Variants in ADCY5 observed in about 807,000 individuals in gnomAD.
The protein encoded by ADCY5 is adenylate cyclase 5.
Under a neutral mutation model 119.7 loss-of-function variants are expected in ADCY5, and 30 were observed. The ratio of observed to expected loss-of-function variants is 0.25; its 90% confidence interval spans 0.19 to 0.34. ADCY5 has a LOEUF of 0.34. Ranked by LOEUF, ADCY5 falls within the 10% of genes least tolerant of loss-of-function variation. The probability of loss-of-function intolerance (pLI) is 1.00; values close to 1 mark genes in which losing one functional copy is unlikely to be tolerated. For missense variants in ADCY5, 1,324 were observed against 1,775.2 expected (o/e 0.75, Z 4.57); for synonymous variants, 753 against 762.2 (o/e 0.99, Z 0.20).
intron 12 of ADCY5, among the ~76,000 whole-genome samples, chr3:123,310,042 G>C (rs1940455540): frequency 6.6e-6 from 1 of 151,196 alleles, no homozygotes; most frequent in Non-Finnish European, 1.5e-5. Flanking sequence ...TCCAGGGGAT[G>C]AGTACCATGT....
chr3:123,344,392 CAAT>C lies in ADCY5; in HGVS notation c.1406+3387_1406+3389del, dbSNP rs1319454593. Among the ~76,000 whole-genome samples, 3 of 152,262 alleles carry C rather than the reference CAAT, an allele frequency of 2.0e-5. No individual in the cohort carries two copies. In the East Asian group the frequency reaches 5.8e-4, roughly 29 times the overall value. On this transcript the variant is annotated intron_variant, in intron 3 of 20. Coordinates refer to ENST00000462833, the MANE Select transcript of ADCY5 (RefSeq NM_183357.3). ...ATCATAATCATAAAAATAACAGTAACAATAATAATGGCAGCTCACAATTACCGA... is the reference window on the plus strand; with the variant it reads ...ATCATAATCATAAAAATAACAGTAACAATAATGGCAGCTCACAATTACCGA...
chr3:123,324,452 AC>A (rs1559806359), intron 8 of ADCY5, among the ~76,000 whole-genome samples: 19 of 104,496 alleles, frequency 1.8e-4, no homozygotes, highest in Non-Finnish European at 1.6e-4. Flanking sequence ...ACACACACAC[AC>A]ACACACACAC....
chr3:123,339,269 C>G (rs1026875790), intron 3 of ADCY5, among the ~76,000 whole-genome samples: 4 of 152,160 alleles, frequency 2.6e-5, no homozygotes, highest in Admixed American at 2.6e-4. Context: ...CTGAAGAATC[C>G]TTTGGGCTCA....
chr3:123,350,973 G>A (rs10934645), intron 2 of ADCY5, among the ~76,000 whole-genome samples: 25,188 of 152,052 alleles, frequency 0.17, 2,355 homozygotes, highest in East Asian at 0.4. Context: ...GGTGCAGTGT[G>A]CCAGAGGCGA....
chr3:123,396,792 A>C (rs1944596189), intron 1 of ADCY5, among the ~76,000 whole-genome samples: 1 of 93,272 alleles, frequency 1.1e-5, no homozygotes, highest in Admixed American at 1.1e-4. Flanking sequence ...GCAGGCAGGC[A>C]GGCAGGCAGG....
intron 1 of ADCY5, among the ~76,000 whole-genome samples, chr3:123,428,105 G>A (rs949386946): frequency 1.1e-4 from 17 of 152,170 alleles, no homozygotes; most frequent in Non-Finnish European, 4.4e-5. Context: ...AGAACCATGC[G>A]CCACCTGGCC....
chr3:123,387,891 AGAAAG>A (rs1234664186), intron 1 of ADCY5, among the ~76,000 whole-genome samples: 10 of 152,242 alleles, frequency 6.6e-5, no homozygotes, highest in Non-Finnish European at 1.5e-4. Context: ...CAGGAGCACC[AGAAAG>A]GAAAGGAAAG....
intron 1 of ADCY5, among the ~76,000 whole-genome samples, chr3:123,353,549 C>T (rs1322001369): frequency 1.3e-5 from 2 of 152,154 alleles, no homozygotes; most frequent in African/African-American, 4.8e-5. Flanking sequence ...ACCTCAGTTA[C>T]TCCCACCAAA....
intron 1 of ADCY5, among the ~76,000 whole-genome samples, chr3:123,375,163 G>C (rs1000052799): frequency 4.6e-5 from 7 of 152,218 alleles, no homozygotes; most frequent in Admixed American, 3.9e-4. Flanking sequence ...AGGAGAAAGG[G>C]CTGGGATCTG....
chr3:123,445,806 C>G (rs1242925146), intron 1 of ADCY5, among the ~76,000 whole-genome samples: 1 of 152,112 alleles, frequency 6.6e-6, no homozygotes, highest in Admixed American at 6.6e-5. Flanking sequence ...CTGCACTGTG[C>G]TTAGGTAAGG....
At chr3:123,336,563 G>A (rs1423148384) in intron 3 of ADCY5, among the ~76,000 whole-genome samples, 1 of 152,188 alleles carries the variant, frequency 6.6e-6, no homozygotes, top group African/African-American at 2.4e-5. Flanking sequence ...TAATCTAGCA[G>A]AGGTAGGACT....
chr3:123,432,358 G>A (rs1576693619), intron 1 of ADCY5, among the ~76,000 whole-genome samples: 1 of 152,220 alleles, frequency 6.6e-6, no homozygotes, highest in East Asian at 1.9e-4. Context: ...GAGAGAAGTG[G>A]GGAGGAGGCA....
intron 3 of ADCY5, among the ~76,000 whole-genome samples, chr3:123,336,619 T>G (rs1942039897): frequency 6.6e-6 from 1 of 151,438 alleles, no homozygotes; most frequent in Non-Finnish European, 1.5e-5. Context: ...GCAGAGGAGG[T>G]GAGAAGAGGG....
chr3:123,346,607 T>TTCTC (rs72299981), intron 3 of ADCY5, among the ~76,000 whole-genome samples: 4,405 of 128,028 alleles, frequency 0.034, 141 homozygotes, highest in East Asian at 0.11. Flanking sequence ...CAGCCTCACC[T>TTCTC]TCTCTCTCTC....
intron 16 of ADCY5, among the ~76,000 whole-genome samples, chr3:123,296,471 C>T (rs1939520578): frequency 6.6e-6 from 1 of 152,174 alleles, no homozygotes. Flanking sequence ...CTTACAACCC[C>T]CCATCACTCG....
rs6148049 is a variant in ADCY5, at chr3:123,358,155, CGT to C, written c.1135-5576_1135-5575del. Among the ~76,000 whole-genome samples the C allele has an allele frequency of 1.1e-3, 155 of 140,964 alleles. 1 individual carries two copies. The highest frequency in any genetic ancestry group is 2.9e-3 in the African/African-American group (103 of 35,284). The allele number at this position is 140,964 out of a possible 152,430, so 92.5% of individuals were successfully genotyped here. Reference sequence around the variant, plus strand: ...GGGACACATCTAACCACATGGAACACGTGTGTGTGTGTGTGTGTGTGTGTGTG... The same window carrying C: ...GGGACACATCTAACCACATGGAACACGTGTGTGTGTGTGTGTGTGTGTGTG... On this transcript the variant is annotated intron_variant, in intron 1 of 20. Coordinates refer to ENST00000462833, the MANE Select transcript of ADCY5 (RefSeq NM_183357.3).
At chr3:123,289,154 T>G (rs1938973747) in intron 19 of ADCY5, among the ~76,000 whole-genome samples, 1 of 152,268 alleles carries the variant, frequency 6.6e-6, no homozygotes, top group Non-Finnish European at 1.5e-5. Context: ...CTATTTCACT[T>G]TGTTTTGCTA....
At chr3:123,333,099 G>A (rs1941845262) in intron 3 of ADCY5, among the ~76,000 whole-genome samples, 1 of 152,130 alleles carries the variant, frequency 6.6e-6, no homozygotes, top group South Asian at 2.1e-4. Flanking sequence ...ATTAGGTGGG[G>A]CCTTTGAAAG....
At chr3:123,298,389 T>C (rs56770904) in intron 15 of ADCY5, among the ~76,000 whole-genome samples, 1 of 152,074 alleles carries the variant, frequency 6.6e-6, no homozygotes, top group African/African-American at 2.4e-5. Context: ...GAGGAGATGC[T>C]GAGGATGGGA....
Sources: gnomAD v4.1 joint callset for allele counts (sites outside exome capture counted in the v4.1 genomes callset) on GRCh38, gnomAD v4.1.1 for gene constraint, MANE v1.5 for transcripts, NCBI Gene and HGNC (gene_info 2026-07-23, HGNC 2026-07-21) for gene names.